ARHGEF26: variants seen among roughly 807,000 people sequenced by gnomAD.
ARHGEF26 encodes the protein Rho guanine nucleotide exchange factor (GEF) 26.
A neutral mutation model predicts 89.4 loss-of-function variants in ARHGEF26; 59 were observed. That is an observed-to-expected ratio of 0.66 (90% CI 0.54 to 0.82). ARHGEF26 has a LOEUF of 0.82. ARHGEF26 is among the 40% of genes least tolerant of loss of function. The pLI is 0.00. For missense variants in ARHGEF26, 1,234 were observed against 1,085.6 expected (o/e 1.14, Z -1.92); for synonymous variants, 500 against 428.4 (o/e 1.17, Z -2.06).
intron 10 of ARHGEF26, among the ~76,000 whole-genome samples, chr3:154,223,247 A>G (rs748732238): frequency 1.3e-5 from 2 of 152,186 alleles, no homozygotes; most frequent in Admixed American, 6.5e-5. Flanking sequence ...CTTGCTAACA[A>G]TGGAAATCCA....
In ARHGEF26 at chr3:154,169,818, T is replaced by C. The variant is rs552579739; in HGVS notation, c.1487+16886T>C. Among the ~76,000 whole-genome samples, 3 of 152,298 alleles carry C rather than the reference T, an allele frequency of 2.0e-5. No homozygotes were observed. The East Asian group carries it at 5.8e-4, about 29-fold the overall frequency. On this transcript the variant is annotated intron_variant, in intron 6 of 14. Coordinates refer to ENST00000465093, the MANE Select transcript of ARHGEF26 (RefSeq NM_015595.4). ...GAAACACTCAGAAAACAAAGTTATG[T>C]ATTGATCAGTTGATGAAATTATTGT...
intron 4 of ARHGEF26, among the ~76,000 whole-genome samples, chr3:154,142,949 CT>C (rs1445597670): frequency 6.6e-6 from 1 of 152,144 alleles, no homozygotes; most frequent in Non-Finnish European, 1.5e-5. Flanking sequence ...ACCTTAGCTT[CT>C]CATTTCTTTT....
intron 6 of ARHGEF26, among the ~76,000 whole-genome samples, chr3:154,153,708 A>G (rs1034748250): frequency 6.6e-6 from 1 of 152,124 alleles, no homozygotes; most frequent in Admixed American, 6.6e-5. Flanking sequence ...CACCTGAAAC[A>G]CAACCAGAGT....
Position 154,222,292 on chromosome 3 carries a change from T to G in ARHGEF26, c.1936-3564T>G, listed in dbSNP as rs578059390. On this transcript the variant is annotated intron_variant, in intron 10 of 14. Coordinates refer to ENST00000465093, the MANE Select transcript of ARHGEF26 (RefSeq NM_015595.4). ...ACACGTTTTTTATTTTTAATTTTGC[T>G]TATGATTTTCTGGAAGACTGTCAAG... Among the ~76,000 whole-genome samples, 14 of 152,332 alleles carry G rather than the reference T, an allele frequency of 9.2e-5. No homozygotes were observed. The East Asian group carries it at 2.5e-3, about 27-fold the overall frequency.
chr3:154,184,116 G>A (rs759944889), intron 6 of ARHGEF26, among the ~76,000 whole-genome samples: 5 of 151,992 alleles, frequency 3.3e-5, no homozygotes, highest in Admixed American at 1.3e-4. Flanking sequence ...GGGACTACAG[G>A]CGTCTGCCAC....
intron 6 of ARHGEF26, among the ~76,000 whole-genome samples, chr3:154,181,154 C>T (rs1363994018): frequency 6.6e-6 from 1 of 152,116 alleles, no homozygotes; most frequent in East Asian, 1.9e-4. Flanking sequence ...TAAAGCAGCC[C>T]CAAATCTTAC....
chr3:154,221,636 C>G (rs1716138213), intron 10 of ARHGEF26, among the ~76,000 whole-genome samples: 1 of 152,046 alleles, frequency 6.6e-6, no homozygotes, highest in East Asian at 1.9e-4. Flanking sequence ...TGATACCACT[C>G]AAAAGAATAA....
At chr3:154,225,223 C>G (rs912752036) in intron 10 of ARHGEF26, among the ~76,000 whole-genome samples, 14 of 152,050 alleles carry the variant, frequency 9.2e-5, no homozygotes, top group Non-Finnish European at 1.9e-4. Flanking sequence ...TTGGAAGAAC[C>G]TCATTTTCAC....
Position 154,247,261 on chromosome 3 carries a change from A to ATGT in ARHGEF26, c.2301-5855_2301-5854insTGT. On this transcript the variant is annotated intron_variant, in intron 12 of 14. Coordinates refer to ENST00000465093, the MANE Select transcript of ARHGEF26 (RefSeq NM_015595.4). Reference sequence around the variant, plus strand: ...TCAACACTGCCCGTGGCTTTCCCCGACACACACATTTCTGTAAATGGTACT... The same window carrying ATGT: ...TCAACACTGCCCGTGGCTTTCCCCGATGTCACACACATTTCTGTAAATGGTACT... 3.3e-5 allele frequency among the ~76,000 whole-genome samples: 5 copies of ATGT among 152,252 alleles called. 1 individual carries two copies. The East Asian group carries it at 7.7e-4, about 24-fold the overall frequency.
chr3:154,180,048 T>C (rs1202968149), intron 6 of ARHGEF26, among the ~76,000 whole-genome samples: 1 of 152,156 alleles, frequency 6.6e-6, no homozygotes. Flanking sequence ...TCGTGGCTTA[T>C]GAATTTTTCT....
intron 2 of ARHGEF26, among the ~76,000 whole-genome samples, chr3:154,123,623 C>CA (rs1196762527): frequency 6.6e-6 from 1 of 152,188 alleles, no homozygotes; most frequent in Admixed American, 6.5e-5. Context: ...GCCAGGATCA[C>CA]AAAAGACATA....
rs1333239837 is a variant in ARHGEF26, at chr3:154,240,586, A to G, written c.2300+7A>G. On this transcript the variant is annotated splice_region_variant and intron_variant, in intron 12 of 14. Transcript: ENST00000465093. ...TACTAGGAGCTGAGACGCAGTAAGT[A>G]TATGTGGGGAAAAGATTGGAATAGC... is the stretch of plus-strand genomic sequence containing the variant. 6.3e-7 allele frequency: 1 copy of G among 1,597,460 alleles called. No homozygotes were observed.
chr3:154,153,387 C>G (rs139775139), intron 6 of ARHGEF26, among the ~76,000 whole-genome samples: 11 of 152,016 alleles, frequency 7.2e-5, no homozygotes, highest in Non-Finnish European at 1.5e-4. Context: ...ATATAATAAA[C>G]TTTTATACAT....
chr3:154,127,090 G>T (rs1718378054), intron 3 of ARHGEF26, among the ~76,000 whole-genome samples: 1 of 152,146 alleles, frequency 6.6e-6, no homozygotes, highest in South Asian at 2.1e-4. Context: ...AAGTTGCCCT[G>T]GGTGAGTCAG....
At chr3:154,138,202 G>A (rs1202570327) in intron 4 of ARHGEF26, among the ~76,000 whole-genome samples, 1 of 152,014 alleles carries the variant, frequency 6.6e-6, no homozygotes, top group African/African-American at 2.4e-5. Flanking sequence ...ATGAGCCATA[G>A]GCTTTCTCTG....
At chr3:154,123,170 T>C in intron 2 of ARHGEF26, 95 bp downstream of exon 2, 2 of 1,504,034 alleles carry the variant, frequency 1.3e-6, no homozygotes, top group Non-Finnish European at 1.8e-6. Context: ...CCCGAAGAAG[T>C]CATTCCGTTT....
chr3:154,138,691 A>C (rs1037880991), intron 4 of ARHGEF26, among the ~76,000 whole-genome samples: 2 of 152,192 alleles, frequency 1.3e-5, no homozygotes, highest in African/African-American at 4.8e-5. Flanking sequence ...CAGATGTTTC[A>C]ACTACAAACC....
intron 11 of ARHGEF26, among the ~76,000 whole-genome samples, chr3:154,232,994 AT>A (rs556808222): frequency 1.7e-3 from 254 of 149,454 alleles, no homozygotes; most frequent in Non-Finnish European, 3.1e-3. Context: ...CGCCCGGCTA[AT>A]TTTTTTTTTC....
In ARHGEF26 at chr3:154,254,794, G is replaced by A. The variant is rs202083221; in HGVS notation, c.2443G>A (p.Val815Ile). 593 of 1,613,670 alleles carry A rather than the reference G, an allele frequency of 3.7e-4. 3 individuals are homozygous for A. Among genetic ancestry groups the A allele is most frequent in the Admixed American group, 2.3e-4 (14 of 59,998 alleles). ...PDELSLQVADVVLIYQRVSDG... is the reference protein window; with the variant it reads ...PDELSLQVADIVLIYQRVSDG... ...TGAACTCTCCCTGCAGGTGGCTGAC[G>A]TCGTCCTCATCTATCAACGTGTCAG... Residue 815 changes from valine to isoleucine, a missense_variant, in exon 14 of 15, where the codon GTC (valine) becomes ATC (isoleucine). Transcript: ENST00000465093.
Sources: gnomAD v4.1 joint callset for allele counts (sites outside exome capture counted in the v4.1 genomes callset) on GRCh38, gnomAD v4.1.1 for gene constraint, MANE v1.5 for transcripts, NCBI Gene and HGNC (gene_info 2026-07-23, HGNC 2026-07-21) for gene names.